Variants in LINGO2 observed in about 807,000 individuals in gnomAD.
The protein encoded by LINGO2 is leucine rich repeat and Ig domain containing 2, also known as leucine-rich repeat and immunoglobulin-like domain-containing nogo receptor-interacting protein 2.
In LINGO2, 14 loss-of-function variants were observed where a neutral mutation model predicts 30.6. The ratio of observed to expected loss-of-function variants is 0.46; its 90% confidence interval spans 0.30 to 0.72. The LOEUF (loss-of-function observed/expected upper bound fraction) is 0.72, where lower values mean the gene tolerates loss of function less well. Ranked by LOEUF, LINGO2 falls within the 30% of genes least tolerant of loss-of-function variation. The pLI, the probability that LINGO2 is intolerant of heterozygous loss-of-function variation, is 0.07. For missense variants in LINGO2, 729 were observed against 751.7 expected, an observed-to-expected ratio of 0.97 and a Z score of 0.35; for synonymous variants, 317 against 288.5, an observed-to-expected ratio of 1.10 and a Z score of -1.00.
chr9:28,324,983 C>T (rs563898188), intron 3 of LINGO2, among the ~76,000 whole-genome samples: 2 of 151,980 alleles, frequency 1.3e-5, no homozygotes, highest in Non-Finnish European at 2.9e-5. Context: ...GACTATGGAG[C>T]AGCAAACTAA....
At chr9:28,556,065 A>C (rs1455022933) in intron 1 of LINGO2, among the ~76,000 whole-genome samples, 1 of 152,112 alleles carries the variant, frequency 6.6e-6, no homozygotes, top group Admixed American at 6.6e-5. Flanking sequence ...AACTGGAAGC[A>C]TTCCCTCTGA....
chr9:28,875,478 A>G, the LINGO2 span, among the ~76,000 whole-genome samples: 7,839 of 152,164 alleles, frequency 0.052, 643 homozygotes, highest in African/African-American at 0.18. Flanking sequence ...AAGAAATATA[A>G]CAATACCACT....
At chr9:28,459,622 T>C (rs1436871680) in intron 2 of LINGO2, among the ~76,000 whole-genome samples, 2 of 152,078 alleles carry the variant, frequency 1.3e-5, no homozygotes, top group Non-Finnish European at 2.9e-5. Context: ...TTTCGCTCCT[T>C]AGAATCAGAA....
At chr9:29,210,773 C>A in the LINGO2 span, among the ~76,000 whole-genome samples, 3 of 152,250 alleles carry the variant, frequency 2.0e-5, no homozygotes, top group East Asian at 1.9e-4. Flanking sequence ...CCACTTCTGC[C>A]ATCAATAGGC....
At chr9:28,981,107 A>G in the LINGO2 span, among the ~76,000 whole-genome samples, 2 of 152,126 alleles carry the variant, frequency 1.3e-5, no homozygotes, top group Non-Finnish European at 1.5e-5. Context: ...ACTAAAGGAG[A>G]TATTATTTTG....
chr9:28,160,135 ATTAAGG>A, intron 4 of LINGO2, among the ~76,000 whole-genome samples: 1 of 152,322 alleles, frequency 6.6e-6, no homozygotes, highest in East Asian at 1.9e-4. Context: ...ACTCTAGAAC[ATTAAGG>A]TTAATATAGG....
intron 4 of LINGO2, among the ~76,000 whole-genome samples, chr9:28,045,108 T>TC (rs1003461251): frequency 4.5e-4 from 67 of 150,510 alleles, no homozygotes; most frequent in Admixed American, 1.5e-3. Context: ...TGAGACTTTT[T>TC]CCCCCCCATC....
chr9:28,593,467 C>T (rs986735964), intron 1 of LINGO2, among the ~76,000 whole-genome samples: 1 of 151,970 alleles, frequency 6.6e-6, no homozygotes, highest in Non-Finnish European at 1.5e-5. Context: ...CTTTTCCTAC[C>T]TTCCATATGT....
chr9:29,176,874 C>T, the LINGO2 span, among the ~76,000 whole-genome samples: 1 of 152,196 alleles, frequency 6.6e-6, no homozygotes, highest in Non-Finnish European at 1.5e-5. Flanking sequence ...TAATTCCTTT[C>T]TCTGAAGACA....
intron 1 of LINGO2, among the ~76,000 whole-genome samples, chr9:28,482,652 G>T (rs75836510): frequency 3.9e-5 from 6 of 151,968 alleles, no homozygotes; most frequent in African/African-American, 1.4e-4. Flanking sequence ...ATCAATTTTG[G>T]CTTTTGTTGC....
chr9:29,098,568 T>C, the LINGO2 span, among the ~76,000 whole-genome samples: 1 of 151,998 alleles, frequency 6.6e-6, no homozygotes, highest in Admixed American at 6.6e-5. Flanking sequence ...TGGAAGTCCC[T>C]GAGACGTGAA....
At chr9:29,153,843 A>G in the LINGO2 span, among the ~76,000 whole-genome samples, 13 of 152,208 alleles carry the variant, frequency 8.5e-5, no homozygotes, top group African/African-American at 1.2e-4. Flanking sequence ...GATACAGATC[A>G]ACGCCCATGT....
Position 28,503,126 on chromosome 9 carries a change from T to C in LINGO2, c.-364-27101A>G, listed in dbSNP as rs193090356. ...TTTGACTCAAAAACCAGGCTGTTAT[T>C]GTTAACCAATATGGAAAGAAACACT... On this transcript the variant is annotated intron_variant, in intron 1 of 5. Transcript: ENST00000379992. Among the ~76,000 whole-genome samples the C allele has an allele frequency of 7.9e-3, 1,204 of 152,228 alleles. 9 individuals carry two copies. Among genetic ancestry groups the C allele is most frequent in the Middle Eastern group, 0.041 (12 of 294 alleles).
rs1012686754 is a variant in LINGO2, at chr9:28,554,074, G to A, written c.-364-78049C>T. Among the ~76,000 whole-genome samples the A allele has an allele frequency of 1.1e-3, 174 of 152,074 alleles. 2 individuals are homozygous for A. The highest frequency in any genetic ancestry group is 3.8e-3 in the African/African-American group (157 of 41,506). On this transcript the variant is annotated intron_variant, in intron 1 of 5. Coordinates refer to ENST00000379992, the Ensembl canonical transcript of LINGO2. Reference sequence around the variant, plus strand: ...AAAATGTAAAGAACATCGAGACTAGGAAGAAACTGCATCAACTAACGAGCA... The same window carrying A: ...AAAATGTAAAGAACATCGAGACTAGAAAGAAACTGCATCAACTAACGAGCA...
chr9:28,375,205 T>C lies in LINGO2; in HGVS notation c.-278-2337A>G, dbSNP rs140195493. ...CTGCTGCAATGGGACCGTTCAATTA[T>C]CCATTTCTGATTTTCCATACCTGAA... On this transcript the variant is annotated intron_variant, in intron 2 of 5. Transcript: ENST00000379992. Among the ~76,000 whole-genome samples, 341 of 152,216 alleles carry C rather than the reference T, an allele frequency of 2.2e-3. 1 individual carries two copies. The highest frequency in any genetic ancestry group is 7.8e-3 in the African/African-American group (323 of 41,502).
the LINGO2 span, among the ~76,000 whole-genome samples, chr9:28,678,114 C>G: frequency 6.8e-6 from 1 of 147,010 alleles, no homozygotes; most frequent in Non-Finnish European, 1.5e-5. Flanking sequence ...TGTCTTTCCA[C>G]AAATGACTTC....
chr9:28,230,771 T>C (rs1821327979), intron 4 of LINGO2, among the ~76,000 whole-genome samples: 1 of 151,968 alleles, frequency 6.6e-6, no homozygotes, highest in African/African-American at 2.4e-5. Context: ...CACTTATTTC[T>C]GTCTTCTTGC....
At chr9:28,768,885 C>T in the LINGO2 span, among the ~76,000 whole-genome samples, 10,662 of 152,028 alleles carry the variant, frequency 0.07, 1,246 homozygotes, top group African/African-American at 0.24. Flanking sequence ...CAATGCTATA[C>T]ATATAATATA....
chr9:28,191,323 T>A (rs534906228), intron 4 of LINGO2, among the ~76,000 whole-genome samples: 8 of 152,338 alleles, frequency 5.3e-5, no homozygotes, highest in Admixed American at 3.9e-4. Flanking sequence ...ATATATAGTA[T>A]CTATAGTTCA....
Sources: allele counts gnomAD v4.1 joint callset (sites outside exome capture counted in the v4.1 genomes callset), GRCh38; gene constraint gnomAD v4.1.1; transcripts MANE v1.5; gene names NCBI Gene and HGNC (gene_info 2026-07-23, HGNC 2026-07-21).